Variants in DLG2 observed in about 807,000 individuals in gnomAD.
DLG2 encodes the protein disks large homolog 2.
Under a neutral mutation model 132.5 loss-of-function variants are expected in DLG2, and 45 were observed. The observed-to-expected ratio is 0.34, with a 90% CI of 0.27 to 0.44. The LOEUF (loss-of-function observed/expected upper bound fraction) is 0.44. Ranked by LOEUF, DLG2 falls within the 20% of genes least tolerant of loss-of-function variation. DLG2 has a pLI of 1.00. For synonymous variants in DLG2, 424 were observed against 419.6 expected (o/e 1.01, Z -0.13); for missense variants, 1,045 against 1,196.9 (o/e 0.87, Z 1.87).
intron 6 of DLG2, among the ~76,000 whole-genome samples, chr11:84,673,192 G>A (rs73513132): frequency 0.12 from 18,341 of 152,024 alleles, 2,278 homozygotes; most frequent in African/African-American, 0.32. Context: ...CACAAGCTAG[G>A]ATAATAGACA....
intron 4 of DLG2, among the ~76,000 whole-genome samples, chr11:85,205,556 C>CA (rs1416436868): frequency 1.3e-5 from 2 of 152,092 alleles, no homozygotes; most frequent in Non-Finnish European, 2.9e-5. Context: ...GTTGCCAACA[C>CA]AAAAAACAGA....
intron 9 of DLG2, among the ~76,000 whole-genome samples, chr11:84,105,542 A>T (rs1397642474): frequency 1.3e-5 from 2 of 152,184 alleles, no homozygotes; most frequent in Non-Finnish European, 2.9e-5. Context: ...TCTTTAATTC[A>T]TGCCTTATTT....
intron 7 of DLG2, among the ~76,000 whole-genome samples, chr11:84,448,788 C>T (rs978639165): frequency 6.6e-6 from 1 of 152,002 alleles, no homozygotes; most frequent in Non-Finnish European, 1.5e-5. Context: ...CTATGAAACA[C>T]TCAAGAAAAG....
intron 4 of DLG2, among the ~76,000 whole-genome samples, chr11:85,249,697 A>G (rs2076304570): frequency 6.6e-6 from 1 of 152,098 alleles, no homozygotes. Flanking sequence ...ATCCAAAGAC[A>G]CCATGTTTAT....
intron 18 of DLG2, among the ~76,000 whole-genome samples, chr11:83,678,030 C>A (rs1263515290): frequency 6.6e-6 from 1 of 152,184 alleles, no homozygotes; most frequent in East Asian, 1.9e-4. Flanking sequence ...AAGGAAAATA[C>A]ACCTGAAATT....
At chr11:84,129,819 C>CAAGGAGGAA (rs931089762) in intron 9 of DLG2, among the ~76,000 whole-genome samples, 7 of 151,874 alleles carry the variant, frequency 4.6e-5, no homozygotes, top group Admixed American at 3.9e-4. Context: ...CCCCCAAAAG[C>CAAGGAGGAA]ACTTATGAAA....
At chr11:85,335,798 G>T (rs1271934027) in intron 3 of DLG2, among the ~76,000 whole-genome samples, 3 of 152,032 alleles carry the variant, frequency 2.0e-5, no homozygotes, top group Non-Finnish European at 4.4e-5. Context: ...CCTATCAGGG[G>T]GTGGGGGACT....
At chr11:84,447,787 T>C (rs536230707) in intron 7 of DLG2, among the ~76,000 whole-genome samples, 3 of 152,238 alleles carry the variant, frequency 2.0e-5, no homozygotes, top group African/African-American at 7.2e-5. Context: ...TGAATTAATA[T>C]GCTGTGATTT....
At chr11:83,493,657 C>G (rs2093996961) in intron 21 of DLG2, among the ~76,000 whole-genome samples, 1 of 152,048 alleles carries the variant, frequency 6.6e-6, no homozygotes, top group Non-Finnish European at 1.5e-5. Context: ...CTGTCTTCTA[C>G]TAAACTGTAG....
At chr11:85,154,147 A>AG (rs2077443145) in intron 5 of DLG2, among the ~76,000 whole-genome samples, 1 of 150,802 alleles carries the variant, frequency 6.6e-6, no homozygotes, top group Non-Finnish European at 1.5e-5. Flanking sequence ...AAAAAAAAAA[A>AG]AAAAAAAAAA....
intron 5 of DLG2, among the ~76,000 whole-genome samples, chr11:85,134,024 ATGAGGGAGAG>A (rs368937720): frequency 0.032 from 4,835 of 151,502 alleles, 93 homozygotes; most frequent in Admixed American, 0.045. Context: ...GGAAGGGAGA[ATGAGGGAGAG>A]TGAGGGAGAG....
intron 7 of DLG2, among the ~76,000 whole-genome samples, chr11:84,402,915 C>G (rs970487088): frequency 8.0e-6 from 1 of 124,510 alleles, no homozygotes; most frequent in Admixed American, 7.4e-5. Flanking sequence ...ACTCAGAATT[C>G]ATTATGTATC....
intron 4 of DLG2, among the ~76,000 whole-genome samples, chr11:85,281,427 T>C (rs1392369696): frequency 1.3e-5 from 2 of 151,974 alleles, no homozygotes; most frequent in African/African-American, 4.8e-5. Context: ...AACCTTAATA[T>C]ATACTAAATA....
At chr11:85,601,763 T>C (rs75560349) in intron 2 of DLG2, among the ~76,000 whole-genome samples, 18,452 of 152,170 alleles carry the variant, frequency 0.12, 1,367 homozygotes, top group East Asian at 0.29. Context: ...CTCTCCCAGA[T>C]TGTTTTCCCA....
chr11:85,272,876 A>G (rs1487806638), intron 4 of DLG2, among the ~76,000 whole-genome samples: 1 of 152,204 alleles, frequency 6.6e-6, no homozygotes, highest in African/African-American at 2.4e-5. Context: ...ACAGTAACCA[A>G]AACAGCATGG....
chr11:85,431,923 G>C (rs751141241), intron 3 of DLG2, among the ~76,000 whole-genome samples: 24 of 152,290 alleles, frequency 1.6e-4, no homozygotes, highest in Admixed American at 3.3e-4. Context: ...CTGGCATCAG[G>C]TCGGTGCCCC....
At position 85,479,282 on chromosome 11, in the gene DLG2, T is replaced by C. The variant is rs564417164; in HGVS notation, c.40+119375A>G. ...TGGCAAAGGCAGATTCACTGTCTCA[T>C]GAGGGCCCGCTTACTTCTTAGAAGA... On this transcript the variant is annotated intron_variant, in intron 3 of 27. Transcript: ENST00000376104. 7.2e-5 allele frequency among the ~76,000 whole-genome samples: 11 copies of C among 152,282 alleles called. No individual in the cohort carries two copies. In the South Asian group the frequency reaches 1.5e-3, roughly 20 times the overall value.
chr11:83,864,872 T>C (rs1008694415), intron 16 of DLG2, among the ~76,000 whole-genome samples: 2 of 152,112 alleles, frequency 1.3e-5, no homozygotes, highest in African/African-American at 4.8e-5. Context: ...AGATGAGTAA[T>C]ATAATGAAGG....
At chr11:83,658,179 G>A (rs1301437175) in intron 18 of DLG2, among the ~76,000 whole-genome samples, 2 of 152,192 alleles carry the variant, frequency 1.3e-5, no homozygotes, top group South Asian at 2.1e-4. Flanking sequence ...TGCTTATAGT[G>A]AATTCCTAAG....
Sources: allele counts gnomAD v4.1 joint callset (sites outside exome capture counted in the v4.1 genomes callset), GRCh38; gene constraint gnomAD v4.1.1; transcripts MANE v1.5; gene names NCBI Gene and HGNC (gene_info 2026-07-23, HGNC 2026-07-21).